Variants in HSPA4L observed in about 807,000 individuals in gnomAD.
The protein encoded by HSPA4L is heat shock protein family A (Hsp70) member 4 like.
HSPA4L carries 48 observed loss-of-function variants against 100.3 expected under a neutral mutation model. The observed-to-expected ratio is 0.48, with a 90% CI of 0.38 to 0.61. The LOEUF (loss-of-function observed/expected upper bound fraction) is 0.61, where lower values mean the gene tolerates loss of function less well. Among genes scored for constraint, HSPA4L ranks in the 20% least tolerant of loss-of-function variants. The pLI is 0.00. For missense variants in HSPA4L, 886 were observed against 988.6 expected, an observed-to-expected ratio of 0.90 and a Z score of 1.39; for synonymous variants, 319 against 328.2, an observed-to-expected ratio of 0.97 and a Z score of 0.30.
intron 2 of HSPA4L, 142 bp downstream of exon 2, chr4:127,794,276 T>C: frequency 1.9e-6 from 1 of 538,602 alleles, no homozygotes; most frequent in Non-Finnish European, 3.2e-6. Context: ...TTGTTTTGTT[T>C]TGTTTTTTTA....
rs1392579238 is a variant in HSPA4L, at chr4:127,805,604, ACT to A, written c.1138-80_1138-79del. ...AAAATGTAACAGTTGTAATAGGAGGACTCTATTAAGCAGTTCAATCAGAGTAA... is the reference window on the plus strand; with the variant it reads ...AAAATGTAACAGTTGTAATAGGAGGACTATTAAGCAGTTCAATCAGAGTAA... On this transcript the variant is annotated intron_variant, in intron 9 of 18. Coordinates refer to ENST00000296464, the MANE Select transcript of HSPA4L (RefSeq NM_014278.4). The A allele has an allele frequency of 3.2e-6, 3 of 927,126 alleles. No homozygotes were observed. In the African/African-American group the frequency reaches 5.0e-5, roughly 15 times the overall value. The allele number at this position is 927,126 out of a possible 1,614,324, so 57.4% of individuals were successfully genotyped here.
At position 127,801,593 on chromosome 4, in the gene HSPA4L, TAC is replaced by T. The variant is rs1733184415; in HGVS notation, c.530-190_530-189del. Among the ~76,000 whole-genome samples, 5 of 152,064 alleles carry T rather than the reference TAC, an allele frequency of 3.3e-5. No homozygotes were observed. In the South Asian group the frequency reaches 1.0e-3, roughly 32 times the overall value. On this transcript the variant is annotated intron_variant, in intron 5 of 18. Transcript: ENST00000296464. Reference sequence around the variant, plus strand: ...TAATGGCTTTACAAATCTTTACTATTACAGAGTTATAGATGAGTAAGGAAAAA... The same window carrying T: ...TAATGGCTTTACAAATCTTTACTATTAGAGTTATAGATGAGTAAGGAAAAA...
chr4:127,803,916 A>C, intron 7 of HSPA4L, 43 bp downstream of exon 7: 2 of 1,607,622 alleles, frequency 1.2e-6, no homozygotes, highest in East Asian at 4.5e-5. Flanking sequence ...TACTTATTTT[A>C]TAATGTTTAG....
chr4:127,813,382 T>TTTCC (rs1733593000), intron 12 of HSPA4L: 1 of 528,846 alleles, frequency 1.9e-6, no homozygotes, highest in East Asian at 3.0e-5. Context: ...ATTTAAGGAC[T>TTTCC]GTGGCTTTTT....
At position 127,811,624 on chromosome 4, in the gene HSPA4L, C is replaced by A; in HGVS notation, c.1566C>A (p.Asn522Lys). The change falls in exon 12 of 19, where the codon AAC (asparagine) becomes AAA (lysine). Residue 522 changes from asparagine (N) to lysine (K), a missense_variant. Asn to Lys is a moderately conservative substitution (Grantham distance 94, BLOSUM62 0). Coordinates refer to ENST00000296464, the MANE Select transcript of HSPA4L (RefSeq NM_014278.4). ...METETSFKNENKDNMDKMQVD... is the reference protein window; with the variant it reads ...METETSFKNEKKDNMDKMQVD... Reference sequence around the variant, plus strand: ...CAGAAACTTCATTTAAAAATGAAAACAAAGATAATATGGTATGTAGAAATT... The same window carrying A: ...CAGAAACTTCATTTAAAAATGAAAAAAAAGATAATATGGTATGTAGAAATT... 1 of 1,609,446 alleles carries A rather than the reference C, an allele frequency of 6.2e-7. No homozygotes were observed. The highest frequency in any genetic ancestry group is 1.1e-5 in the South Asian group (1 of 90,896).
Position 127,808,113 on chromosome 4 carries a change from T to A in HSPA4L, c.1362T>A (p.Tyr454Ter). ...ATACTAATTTACATGAAGTGCCTTA[T>A]CCTGATGCAAGAATTGGTAAGATAA... ...AFYTNLHEVP[Y>*]PDARIGSFTI... The change falls in exon 11 of 19, where the codon TAT becomes TAA. Residue 454 changes from tyrosine to a stop codon, truncating the protein, a stop_gained. Transcript: ENST00000296464. LOFTEE classifies it high-confidence loss of function. 1 of 1,596,880 alleles carries A rather than the reference T, an allele frequency of 6.3e-7. No individual in the cohort carries two copies. The highest frequency in any genetic ancestry group is 8.5e-7 in the Non-Finnish European group (1 of 1,175,540).
chr4:127,805,298 A>G, intron 9 of HSPA4L, 74 bp downstream of exon 9: 1 of 1,148,344 alleles, frequency 8.7e-7, no homozygotes, highest in Non-Finnish European at 1.2e-6. Flanking sequence ...GGGCCTTTTA[A>G]TGTTATCTGT....
At chr4:127,823,020 G>C in intron 15 of HSPA4L, 126 bp downstream of exon 15, 1 of 822,460 alleles carries the variant, frequency 1.2e-6, no homozygotes, top group Non-Finnish European at 1.8e-6. Flanking sequence ...CCCATATGGG[G>C]AAGGTTCTTA....
intron 18 of HSPA4L, among the ~76,000 whole-genome samples, chr4:127,831,246 TC>T (rs1376786331): frequency 1.3e-5 from 2 of 152,080 alleles, no homozygotes; most frequent in Non-Finnish European, 2.9e-5. Flanking sequence ...ACGTCTGTAA[TC>T]CCAGCACTTT....
At chr4:127,803,940 T>G in intron 7 of HSPA4L, 67 bp downstream of exon 7, 1 of 1,607,350 alleles carries the variant, frequency 6.2e-7, no homozygotes, top group South Asian at 1.1e-5. Flanking sequence ...ACGTCTGATT[T>G]GTTTGTTGTT....
chr4:127,782,841 C>T (rs964679432), intron 1 of HSPA4L, among the ~76,000 whole-genome samples, 184 bp downstream of exon 1: 1 of 152,090 alleles, frequency 6.6e-6, no homozygotes, highest in Non-Finnish European at 1.5e-5. Flanking sequence ...GACTTCCTCG[C>T]CCCGCAAAGC....
chr4:127,811,740 T>G (rs781077558), intron 12 of HSPA4L, 104 bp downstream of exon 12: 89 of 819,306 alleles, frequency 1.1e-4, no homozygotes, highest in Middle Eastern at 3.4e-4. Flanking sequence ...TCTCTGAGGT[T>G]TTGCTTTGAT....
At chr4:127,808,726 A>G (rs1290168685) in intron 11 of HSPA4L, among the ~76,000 whole-genome samples, 1 of 152,162 alleles carries the variant, frequency 6.6e-6, no homozygotes, top group Non-Finnish European at 1.5e-5. Context: ...GGGGACAGCT[A>G]TATTTCTAAT....
Position 127,838,000 on chromosome 4 carries a change from A to C in HSPA4L, c.*5126A>C, listed in dbSNP as rs1356549541. On this transcript the variant is annotated 3_prime_UTR_variant, in exon 19 of 19. Coordinates refer to ENST00000296464, the MANE Select transcript of HSPA4L (RefSeq NM_014278.4). ...TTGTATTTTTAGTAGATGGGGTTTC[A>C]TCATGTTGGCCAGGCTGGTTTTGAA... The C allele has an allele frequency of 6.6e-6, 1 of 152,090 alleles. No homozygotes were observed. The highest frequency in any genetic ancestry group is 3.2e-3 in the Middle Eastern group (1 of 316). 9.4% of individuals were successfully genotyped at this position (152,090 alleles called of 1,614,324 possible).
At chr4:127,821,818 A>G (rs1474279191) in intron 14 of HSPA4L, among the ~76,000 whole-genome samples, 1 of 152,152 alleles carries the variant, frequency 6.6e-6, no homozygotes, top group Non-Finnish European at 1.5e-5. Context: ...AGATGGAATT[A>G]TGCTCTCTGT....
chr4:127,817,619 A>G (rs1042032367), intron 12 of HSPA4L, among the ~76,000 whole-genome samples: 2 of 152,194 alleles, frequency 1.3e-5, no homozygotes, highest in African/African-American at 4.8e-5. Context: ...AAAAATCTTA[A>G]AAGTGTACCT....
At chr4:127,814,753 G>C (rs892338068) in intron 12 of HSPA4L, among the ~76,000 whole-genome samples, 1 of 152,048 alleles carries the variant, frequency 6.6e-6, no homozygotes. Context: ...TTTTAGAAGA[G>C]ATGGGATTTC....
At position 127,823,571 on chromosome 4, in the gene HSPA4L, G is replaced by A; in HGVS notation, c.1993G>A (p.Asp665Asn). Residue 665 changes from aspartate (D) to asparagine (N), a missense_variant, in exon 16 of 19, where the codon GAC (aspartate) becomes AAC (asparagine). Transcript: ENST00000296464. ...AGACACAGAAAATTGGCTTTATGAAGACGGAGAGGACCAACCTAAACAAGT... is the reference window on the plus strand; with the variant it reads ...AGACACAGAAAATTGGCTTTATGAAAACGGAGAGGACCAACCTAAACAAGT... ...LEDTENWLYE[D>N]GEDQPKQVYV... The A allele has an allele frequency of 6.2e-7, 1 of 1,613,828 alleles. No individual in the cohort carries two copies. Among genetic ancestry groups the A allele is most frequent in the Non-Finnish European group, 8.5e-7 (1 of 1,179,780 alleles).
In HSPA4L at chr4:127,839,667, TG is replaced by T. The variant is rs1370531443; in HGVS notation, c.*6798del. On this transcript the variant is annotated 3_prime_UTR_variant, in exon 19 of 19. Coordinates refer to ENST00000296464, the MANE Select transcript of HSPA4L (RefSeq NM_014278.4). ...GAGATCCTGCCACTGCACTCCAACC[TG>T]GGGGTAACAGAGCGAGACTCTGTCT... 2.7e-5 allele frequency: 4 copies of T among 150,268 alleles called. No homozygotes were observed. Among genetic ancestry groups the T allele is most frequent in the South Asian group, 4.2e-4 (2 of 4,728 alleles). The allele number at this position is 150,268 out of a possible 1,614,324, so 9.3% of individuals were successfully genotyped here.
Sources: gnomAD v4.1 joint callset for allele counts (sites outside exome capture counted in the v4.1 genomes callset) on GRCh38, gnomAD v4.1.1 for gene constraint, MANE v1.5 for transcripts, NCBI Gene and HGNC (gene_info 2026-07-23, HGNC 2026-07-21) for gene names.